Variants in CLASP1 observed in about 807,000 individuals in gnomAD.
CLASP1 encodes the protein cytoplasmic linker associated protein 1.
In CLASP1, 38 loss-of-function variants were observed where a neutral mutation model predicts 192.3. The observed-to-expected ratio is 0.20, with a 90% CI of 0.15 to 0.26. The LOEUF (loss-of-function observed/expected upper bound fraction) is 0.26, where lower values mean the gene tolerates loss of function less well. Ranked by LOEUF, CLASP1 falls within the 10% of genes least tolerant of loss-of-function variation. The probability of loss-of-function intolerance (pLI) is 1.00; values close to 1 mark genes in which losing one functional copy is unlikely to be tolerated. For missense variants in CLASP1, 1,433 were observed against 1,932.5 expected, an observed-to-expected ratio of 0.74 and a Z score of 4.85; for synonymous variants, 691 against 712.8, an observed-to-expected ratio of 0.97 and a Z score of 0.49.
Position 121,462,607 on chromosome 2 carries a change from T to C in CLASP1, c.866-2A>G. On this transcript the variant is annotated splice_acceptor_variant, in intron 9 of 39. Transcript: ENST00000263710. LOFTEE classifies it high-confidence loss of function. ...CAGCACCAGCTCCTTCTTTTGCAGC[T>C]GTAAAAAAGAATTTTAAAAATGTAA... The C allele has an allele frequency of 6.3e-7, 1 of 1,589,712 alleles. No individual in the cohort carries two copies. Among genetic ancestry groups the C allele is most frequent in the Non-Finnish European group, 8.6e-7 (1 of 1,161,932 alleles).
chr2:121,387,107 A>G lies in CLASP1; in HGVS notation c.3374+15T>C. ...AGTTTCTTTACATCTGTGGAAAGTA[A>G]AGAAGTGACCTTACCTTGGAGACAG... On this transcript the variant is annotated intron_variant, in intron 32 of 39. Coordinates refer to ENST00000263710, the Ensembl canonical transcript of CLASP1. The G allele has an allele frequency of 6.2e-7, 1 of 1,604,078 alleles. No individual in the cohort carries two copies. The highest frequency in any genetic ancestry group is 8.5e-7 in the Non-Finnish European group (1 of 1,171,498).
At position 121,527,905 on chromosome 2, in the gene CLASP1, G is replaced by T; in HGVS notation, c.379-15C>A. ...TCCCATACGTACTGCAGATGACAAAGAACAGGTGAGGAAAGGAGAAGACTG... is the reference window on the plus strand; with the variant it reads ...TCCCATACGTACTGCAGATGACAAATAACAGGTGAGGAAAGGAGAAGACTG... On this transcript the variant is annotated splice_polypyrimidine_tract_variant and intron_variant, in intron 4 of 39. Transcript: ENST00000263710. The T allele has an allele frequency of 6.2e-7, 1 of 1,602,774 alleles. No homozygotes were observed. The highest frequency in any genetic ancestry group is 2.2e-5 in the East Asian group (1 of 44,834).
At chr2:121,599,115 G>A (rs1016171204) in intron 2 of CLASP1, among the ~76,000 whole-genome samples, 3 of 151,476 alleles carry the variant, frequency 2.0e-5, no homozygotes, top group Non-Finnish European at 4.4e-5. Flanking sequence ...CGCCCACCTC[G>A]GCCTCCCAAA....
intron 2 of CLASP1, chr2:121,531,103 C>CGTCTT (rs1348654978): frequency 7.7e-6 from 5 of 645,172 alleles, no homozygotes; most frequent in Non-Finnish European, 1.4e-5. Context: ...GTGCACAAGA[C>CGTCTT]GCGTGGTTTT....
chr2:121,522,609 G>A (rs1443148997), intron 6 of CLASP1, among the ~76,000 whole-genome samples: 1 of 152,120 alleles, frequency 6.6e-6, no homozygotes, highest in African/African-American at 2.4e-5. Flanking sequence ...ACAGCAGTAA[G>A]ATGTAATCCA....
Position 121,519,875 on chromosome 2 carries a change from C to T in CLASP1, c.547-4113G>A, listed in dbSNP as rs902066126. ...AACAAAAGCCATTCAGCTGAGACTG[C>T]AGGACAATGCAGCTATTCACTTCTA... On this transcript the variant is annotated intron_variant, in intron 6 of 39. Coordinates refer to ENST00000263710, the Ensembl canonical transcript of CLASP1. Among the ~76,000 whole-genome samples, 28 of 152,152 alleles carry T rather than the reference C, an allele frequency of 1.8e-4. 1 individual carries two copies.
chr2:121,480,986 C>T (rs954643735), intron 8 of CLASP1, among the ~76,000 whole-genome samples: 9 of 152,182 alleles, frequency 5.9e-5, no homozygotes, highest in African/African-American at 9.7e-5. Context: ...AAAGGAGGAC[C>T]GCAAGACCCA....
At chr2:121,396,500 G>A (rs2075304140) in intron 30 of CLASP1, among the ~76,000 whole-genome samples, 1 of 152,168 alleles carries the variant, frequency 6.6e-6, no homozygotes, top group South Asian at 2.1e-4. Context: ...GTTCTGATTA[G>A]AATAATAAGG....
exon 40 of CLASP1, chr2:121,337,952 C>A (rs954581222): frequency 6.6e-6 from 1 of 152,072 alleles, no homozygotes; most frequent in African/African-American, 2.4e-5. Context: ...AGCCCCCCCC[C>A]CCAAAAAAAC....
intron 2 of CLASP1, among the ~76,000 whole-genome samples, chr2:121,605,035 C>T (rs370875543): frequency 6.6e-6 from 1 of 152,184 alleles, no homozygotes; most frequent in South Asian, 2.1e-4. Context: ...ACTTCAAGTC[C>T]AATCTAGTTT....
At chr2:121,605,704 G>A in exon 2 of CLASP1, 1 of 1,613,438 alleles carries the variant, frequency 6.2e-7, no homozygotes, top group Admixed American at 1.7e-5. Flanking sequence ...AGCTTACCTT[G>A]TAATTGCTAG....
At chr2:121,353,439 C>CT (rs910874487) in intron 37 of CLASP1, among the ~76,000 whole-genome samples, 2 of 152,152 alleles carry the variant, frequency 1.3e-5, no homozygotes, top group African/African-American at 4.8e-5. Context: ...CCAATGACCT[C>CT]TAAGATGCCT....
chr2:121,363,446 T>G (rs377155464), intron 36 of CLASP1, 146 bp from the exon 38 acceptor site: 1 of 904,204 alleles, frequency 1.1e-6, no homozygotes, highest in South Asian at 1.8e-5. Flanking sequence ...CACAGTTCAC[T>G]TGAAATCAGC....
chr2:121,514,084 C>T (rs1449937361), intron 7 of CLASP1, among the ~76,000 whole-genome samples: 1 of 152,182 alleles, frequency 6.6e-6, no homozygotes, highest in Non-Finnish European at 1.5e-5. Context: ...AGTCTCAGGC[C>T]AGCTGCATTA....
chr2:121,530,310 T>G, exon 3 of CLASP1: 1 of 1,551,240 alleles, frequency 6.4e-7, no homozygotes, highest in East Asian at 2.4e-5. Context: ...AGGATGTCCA[T>G]GCCCAGCAGA....
chr2:121,531,666 G>C (rs1028364296), intron 2 of CLASP1, among the ~76,000 whole-genome samples: 1 of 150,846 alleles, frequency 6.6e-6, no homozygotes, highest in African/African-American at 2.4e-5. Flanking sequence ...TCAGGAGATA[G>C]AGACCATCCT....
intron 2 of CLASP1, among the ~76,000 whole-genome samples, chr2:121,579,000 C>G (rs1576181036): frequency 6.6e-6 from 1 of 152,164 alleles, no homozygotes; most frequent in East Asian, 1.9e-4. Flanking sequence ...ACATTTGTTT[C>G]ATTTTAAAGA....
At chr2:121,527,385 A>T (rs1224465931) in intron 5 of CLASP1, among the ~76,000 whole-genome samples, 1 of 152,250 alleles carries the variant, frequency 6.6e-6, no homozygotes, top group African/African-American at 2.4e-5. Flanking sequence ...AAAAGGTTAC[A>T]TATTGTATAA....
chr2:121,354,734 G>C (rs1252923836), intron 37 of CLASP1, among the ~76,000 whole-genome samples: 1 of 152,194 alleles, frequency 6.6e-6, no homozygotes, highest in African/African-American at 2.4e-5. Context: ...AAATTAGAAA[G>C]CACTGATGCA....
Sources: allele counts gnomAD v4.1 joint callset (sites outside exome capture counted in the v4.1 genomes callset), GRCh38; gene constraint gnomAD v4.1.1; transcripts MANE v1.5; gene names NCBI Gene and HGNC (gene_info 2026-07-23, HGNC 2026-07-21).